ATP8A2: variants seen among roughly 807,000 people sequenced by gnomAD.
ATP8A2 encodes the protein phospholipid-transporting ATPase IB.
ATP8A2 carries 100 observed loss-of-function variants against 165.6 expected under a neutral mutation model. That is an observed-to-expected ratio of 0.60 (90% CI 0.51 to 0.71). The LOEUF is 0.71. Among genes scored for constraint, ATP8A2 ranks in the 30% least tolerant of loss-of-function variants. The pLI, the probability that ATP8A2 is intolerant of heterozygous loss-of-function variation, is 0.00. For synonymous variants in ATP8A2, 543 were observed against 548.8 expected (o/e 0.99, Z 0.15); for missense variants, 1,227 against 1,479.5 (o/e 0.83, Z 2.80).
intron 33 of ATP8A2, among the ~76,000 whole-genome samples, chr13:25,958,614 A>T (rs1566304329): frequency 6.6e-6 from 1 of 152,200 alleles, no homozygotes; most frequent in Non-Finnish European, 1.5e-5. Flanking sequence ...GTTCCTAGGC[A>T]TATGGCATGT....
At position 25,700,817 on chromosome 13, in the gene ATP8A2, A is replaced by C. The variant is rs950843845; in HGVS notation, c.2384+1472A>C. On this transcript the variant is annotated intron_variant, in intron 25 of 36. Transcript: ENST00000381655. ...AAGTGGCTGCACCATTTCTGTTCCC[A>C]CTGGCAATATGTGATTGTTTCAGTT... Among the ~76,000 whole-genome samples the C allele has an allele frequency of 4.6e-5, 7 of 152,296 alleles. No homozygotes were observed. The East Asian group carries it at 1.4e-3, about 29-fold the overall frequency.
At chr13:25,986,695 G>A (rs918773580) in intron 35 of ATP8A2, among the ~76,000 whole-genome samples, 1 of 152,204 alleles carries the variant, frequency 6.6e-6, no homozygotes, top group Non-Finnish European at 1.5e-5. Flanking sequence ...TCAACATACT[G>A]ATGTTGTCCC....
chr13:25,399,167 A>G (rs2033535931), intron 1 of ATP8A2, among the ~76,000 whole-genome samples: 1 of 152,094 alleles, frequency 6.6e-6, no homozygotes, highest in Admixed American at 6.5e-5. Flanking sequence ...ACTGCTGGGT[A>G]TGGCAGTGGT....
chr13:25,782,339 A>G (rs2044901903), intron 27 of ATP8A2, among the ~76,000 whole-genome samples: 1 of 152,224 alleles, frequency 6.6e-6, no homozygotes, highest in East Asian at 1.9e-4. Flanking sequence ...TCATTGACAT[A>G]TGGACCTTTC....
At chr13:25,829,639 A>T (rs1306278952) in intron 28 of ATP8A2, among the ~76,000 whole-genome samples, 1 of 125,522 alleles carries the variant, frequency 8.0e-6, no homozygotes, top group Non-Finnish European at 1.7e-5. Context: ...CCTAGGAGAG[A>T]TTTTGTTGTA....
At chr13:25,900,655 C>T (rs1026029095) in intron 33 of ATP8A2, among the ~76,000 whole-genome samples, 3 of 152,180 alleles carry the variant, frequency 2.0e-5, no homozygotes, top group Non-Finnish European at 2.9e-5. Context: ...TGGTCAAAAA[C>T]TCCGTTTTTA....
intron 35 of ATP8A2, among the ~76,000 whole-genome samples, chr13:25,978,829 A>G (rs920669383): frequency 6.6e-6 from 1 of 152,058 alleles, no homozygotes; most frequent in Non-Finnish European, 1.5e-5. Flanking sequence ...AGTCCCAGCT[A>G]CTTGAGAGGC....
chr13:26,016,320 A>T (rs1161030081), intron 36 of ATP8A2, among the ~76,000 whole-genome samples: 1 of 152,192 alleles, frequency 6.6e-6, no homozygotes, highest in Non-Finnish European at 1.5e-5. Flanking sequence ...GGAGGTTTAC[A>T]ACAGGAGGGG....
intron 27 of ATP8A2, among the ~76,000 whole-genome samples, chr13:25,782,894 C>G (rs1441467512): frequency 6.6e-6 from 1 of 152,010 alleles, no homozygotes; most frequent in African/African-American, 2.4e-5. Context: ...CACGTGCCAC[C>G]GCACCTGGCT....
chr13:25,970,896 A>AT, intron 35 of ATP8A2, among the ~76,000 whole-genome samples: 1 of 152,322 alleles, frequency 6.6e-6, no homozygotes, highest in East Asian at 1.9e-4. Flanking sequence ...AAATGTTCAA[A>AT]TGGATATCAG....
intron 2 of ATP8A2, among the ~76,000 whole-genome samples, chr13:25,489,897 A>G (rs968572202): frequency 2.8e-4 from 42 of 152,202 alleles, no homozygotes; most frequent in African/African-American, 9.4e-4. Flanking sequence ...GCAGATGGAT[A>G]TCTACCCTCA....
At chr13:25,989,639 C>CT (rs570923654) in intron 35 of ATP8A2, among the ~76,000 whole-genome samples, 1 of 152,146 alleles carries the variant, frequency 6.6e-6, no homozygotes, top group East Asian at 1.9e-4. Context: ...ATTTCCTTTT[C>CT]TTTTTTTCTA....
chr13:25,872,806 T>C (rs1223231905), intron 33 of ATP8A2, among the ~76,000 whole-genome samples: 1 of 152,244 alleles, frequency 6.6e-6, no homozygotes, highest in Non-Finnish European at 1.5e-5. Flanking sequence ...AAATTCATTT[T>C]ATTGATATAT....
intron 1 of ATP8A2, among the ~76,000 whole-genome samples, chr13:25,417,303 C>T (rs2034159911): frequency 6.6e-6 from 1 of 152,118 alleles, no homozygotes; most frequent in East Asian, 1.9e-4. Context: ...ATCCTAACTA[C>T]CCAGGAATGT....
intron 1 of ATP8A2, among the ~76,000 whole-genome samples, chr13:25,388,421 C>T (rs1047802023): frequency 6.6e-6 from 1 of 152,126 alleles, no homozygotes; most frequent in Non-Finnish European, 1.5e-5. Context: ...CTCTAACAAC[C>T]GAGCTCCCCA....
chr13:25,855,491 A>G (rs777623346), intron 30 of ATP8A2, among the ~76,000 whole-genome samples: 1 of 152,218 alleles, frequency 6.6e-6, no homozygotes, highest in Non-Finnish European at 1.5e-5. Context: ...GTTCTATCAT[A>G]TTGATATACC....
chr13:25,916,573 G>A (rs1215153382), intron 33 of ATP8A2, among the ~76,000 whole-genome samples: 6 of 152,144 alleles, frequency 3.9e-5, no homozygotes, highest in South Asian at 2.1e-4. Context: ...TTATCGCGTC[G>A]GCTGTGCCAT....
chr13:25,868,053 G>A (rs1300748195), intron 33 of ATP8A2: 2 of 452,880 alleles, frequency 4.4e-6, no homozygotes, highest in African/African-American at 2.0e-5. Flanking sequence ...CCTGTGTGCT[G>A]CCCGGCCTTG....
chr13:25,483,007 A>G (rs1240283110), intron 2 of ATP8A2, among the ~76,000 whole-genome samples: 1 of 152,246 alleles, frequency 6.6e-6, no homozygotes, highest in African/African-American at 2.4e-5. Flanking sequence ...AGGCCAGGCT[A>G]CTGGAGACGG....
Sources: allele counts gnomAD v4.1 joint callset (sites outside exome capture counted in the v4.1 genomes callset), GRCh38; gene constraint gnomAD v4.1.1; transcripts MANE v1.5; gene names NCBI Gene and HGNC (gene_info 2026-07-23, HGNC 2026-07-21).